CTNNBL1: variants seen among roughly 807,000 people sequenced by gnomAD.
CTNNBL1 encodes the protein catenin beta like 1.
CTNNBL1 carries 31 observed loss-of-function variants against 72.7 expected under a neutral mutation model. That is an observed-to-expected ratio of 0.43 (90% CI 0.32 to 0.58). The LOEUF (loss-of-function observed/expected upper bound fraction) is 0.58, where lower values mean the gene tolerates loss of function less well. Ranked by LOEUF, CTNNBL1 falls within the 20% of genes least tolerant of loss-of-function variation. The probability of loss-of-function intolerance (pLI) is 0.08; values close to 1 mark genes in which losing one functional copy is unlikely to be tolerated. For missense variants in CTNNBL1, 534 were observed against 725.1 expected (o/e 0.74, Z 3.03); for synonymous variants, 240 against 267.3 (o/e 0.90, Z 1.00).
chr20:37,868,603 A>G (rs2122881886), intron 15 of CTNNBL1, among the ~76,000 whole-genome samples: 1 of 152,266 alleles, frequency 6.6e-6, no homozygotes, highest in South Asian at 2.1e-4. Context: ...AGAATGGGTG[A>G]TGTGACTGTT....
intron 1 of CTNNBL1, chr20:37,727,248 A>AT (rs1448926762): frequency 6.1e-5 from 41 of 667,378 alleles, no homozygotes; most frequent in Non-Finnish European, 7.4e-5. Context: ...TGCTTATTTA[A>AT]TTTTTTTAAC....
chr20:37,807,066 C>T (rs946666092), intron 11 of CTNNBL1, among the ~76,000 whole-genome samples: 2 of 152,172 alleles, frequency 1.3e-5, no homozygotes, highest in Non-Finnish European at 2.9e-5. Context: ...TAGCCCCTGT[C>T]ACCTCTTAGG....
At chr20:37,702,024 G>C (rs951842864) in intron 1 of CTNNBL1, among the ~76,000 whole-genome samples, 2 of 152,212 alleles carry the variant, frequency 1.3e-5, no homozygotes. Context: ...TATACTGTTT[G>C]TGTGTGTTCC....
chr20:37,840,231 C>A, intron 12 of CTNNBL1, 32 bp downstream of exon 12: 1 of 1,482,824 alleles, frequency 6.7e-7, no homozygotes, highest in Non-Finnish European at 9.4e-7. Context: ...AAGCTGGGAC[C>A]GGGACTGATA....
intron 1 of CTNNBL1, among the ~76,000 whole-genome samples, chr20:37,709,602 A>G (rs1467055561): frequency 1.3e-5 from 2 of 152,210 alleles, no homozygotes; most frequent in Admixed American, 1.3e-4. Context: ...GAGCATCTCA[A>G]GCTTGCATAG....
intron 1 of CTNNBL1, among the ~76,000 whole-genome samples, chr20:37,724,908 C>CT (rs748038781): frequency 0.052 from 6,351 of 122,348 alleles, 232 homozygotes; most frequent in Middle Eastern, 0.11. Context: ...TCCTGTCAAT[C>CT]TTTTTTTTTT....
intron 1 of CTNNBL1, among the ~76,000 whole-genome samples, chr20:37,713,625 G>A (rs1399075440): frequency 6.6e-6 from 1 of 152,148 alleles, no homozygotes; most frequent in Non-Finnish European, 1.5e-5. Context: ...CTGGCCTTGA[G>A]GTATTGCCTC....
At position 37,860,015 on chromosome 20, in the gene CTNNBL1, C is replaced by A. The variant is rs1440385930; in HGVS notation, c.1509C>A (p.Ile503=). The A allele has an allele frequency of 1.2e-6, 2 of 1,614,208 alleles. No individual in the cohort carries two copies. Among genetic ancestry groups the A allele is most frequent in the Non-Finnish European group, 1.7e-6 (2 of 1,180,040 alleles). The change falls in exon 14 of 16, where the codon ATC becomes ATA. Residue 503 remains isoleucine (I), a synonymous_variant. Coordinates refer to ENST00000361383, the MANE Select transcript of CTNNBL1 (RefSeq NM_030877.5). ...ACATCTGCTACATCATGGCCGAGAT[C>A]TGCAATGCCAATGTCCCCCAGGTAG... ...LQHICYIMAE[I]CNANVPQIRQ...
Position 37,746,369 on chromosome 20 carries a change from C to G in CTNNBL1, c.327-99C>G. 4 of 1,325,868 alleles carry G rather than the reference C, an allele frequency of 3.0e-6. No homozygotes were observed. The Admixed American group carries it at 5.2e-5, about 17-fold the overall frequency. The allele number at this position is 1,325,868 out of a possible 1,614,324, so 82.1% of individuals were successfully genotyped here. A position where few individuals can be genotyped will look rare whatever the true frequency, so the allele number is the denominator to read the frequency against. On this transcript the variant is annotated intron_variant, in intron 3 of 15. Coordinates refer to ENST00000361383, the MANE Select transcript of CTNNBL1 (RefSeq NM_030877.5). ...TACTTCTTGGTTGGTCTGTTGTAGA[C>G]ACTTTGACAGATTGCCTTGTTGTCT...
In CTNNBL1 at chr20:37,764,362, C is replaced by T. The variant is rs118138951; in HGVS notation, c.565-835C>T. 1.4e-4 allele frequency among the ~76,000 whole-genome samples: 21 copies of T among 152,224 alleles called. No homozygotes were observed. The East Asian group carries it at 4.1e-3, about 29-fold the overall frequency. ...CTTCCTTGGTGTGCCTCAGGGCTACCTAAGGGCAGTCTCCTTAGAACACAG... is the reference window on the plus strand; with the variant it reads ...CTTCCTTGGTGTGCCTCAGGGCTACTTAAGGGCAGTCTCCTTAGAACACAG... On this transcript the variant is annotated intron_variant, in intron 5 of 15. Transcript: ENST00000361383.
At chr20:37,709,228 C>T (rs1212619470) in intron 1 of CTNNBL1, among the ~76,000 whole-genome samples, 1 of 152,202 alleles carries the variant, frequency 6.6e-6, no homozygotes, top group Non-Finnish European at 1.5e-5. Flanking sequence ...CAAAAGCAGG[C>T]ATGATTGATT....
intron 11 of CTNNBL1, among the ~76,000 whole-genome samples, chr20:37,804,213 C>T (rs750804975): frequency 2.2e-4 from 33 of 152,132 alleles, no homozygotes; most frequent in Admixed American, 5.9e-4. Flanking sequence ...ATGTTAACCC[C>T]GTGCTAGATT....
intron 1 of CTNNBL1, among the ~76,000 whole-genome samples, chr20:37,716,694 T>A (rs1320245970): frequency 1.3e-5 from 2 of 152,174 alleles, no homozygotes; most frequent in African/African-American, 2.4e-5. Context: ...ACCAGACACT[T>A]CATTCAAGCT....
At chr20:37,764,996 A>G (rs1204078780) in intron 5 of CTNNBL1, among the ~76,000 whole-genome samples, 1 of 152,216 alleles carries the variant, frequency 6.6e-6, no homozygotes, top group African/African-American at 2.4e-5. Flanking sequence ...AGAGATAATG[A>G]TGCCTGCCTT....
intron 13 of CTNNBL1, among the ~76,000 whole-genome samples, 197 bp downstream of exon 13, chr20:37,842,616 T>C (rs959634903): frequency 2.0e-5 from 3 of 152,174 alleles, no homozygotes; most frequent in Non-Finnish European, 4.4e-5. Flanking sequence ...GGAAGAAGTA[T>C]GTGTAGCGTC....
At position 37,696,054 on chromosome 20, in the gene CTNNBL1, G is replaced by A. The variant is rs190617808; in HGVS notation, c.30+1902G>A. Among the ~76,000 whole-genome samples, 576 of 152,296 alleles carry A rather than the reference G, an allele frequency of 3.8e-3. 1 individual carries two copies. The highest frequency in any genetic ancestry group is 0.017 in the Middle Eastern group (5 of 294). On this transcript the variant is annotated intron_variant, in intron 1 of 15. Transcript: ENST00000361383. ...AAATCAGTGATTGTATGCCGGCTTG[G>A]AATTTCTAGAATGGCTAGCCCATTA...
chr20:37,741,123 C>T (rs574550410), intron 3 of CTNNBL1, among the ~76,000 whole-genome samples: 8 of 152,318 alleles, frequency 5.3e-5, no homozygotes, highest in South Asian at 4.1e-4. Flanking sequence ...TAGATGGAAT[C>T]GATGACCCCA....
intron 1 of CTNNBL1, among the ~76,000 whole-genome samples, chr20:37,720,938 C>T (rs753919537): frequency 2.6e-5 from 4 of 152,106 alleles, no homozygotes; most frequent in African/African-American, 7.2e-5. Flanking sequence ...GATACAGTGC[C>T]GAGGAAGCTC....
chr20:37,859,262 C>T (rs931413982), intron 13 of CTNNBL1, among the ~76,000 whole-genome samples: 2 of 151,350 alleles, frequency 1.3e-5, no homozygotes, highest in Non-Finnish European at 2.9e-5. Flanking sequence ...GAGGCTGAGG[C>T]AGGAGAATCG....
Sources: gnomAD v4.1 joint callset for allele counts (sites outside exome capture counted in the v4.1 genomes callset) on GRCh38, gnomAD v4.1.1 for gene constraint, MANE v1.5 for transcripts, NCBI Gene and HGNC (gene_info 2026-07-23, HGNC 2026-07-21) for gene names.